LY6G5B: variants seen among roughly 807,000 people sequenced by gnomAD.
The protein encoded by LY6G5B is lymphocyte antigen 6 family member G5B.
In LY6G5B, 6 loss-of-function variants were observed where a neutral mutation model predicts 6.7. That is an observed-to-expected ratio of 0.89 (90% CI 0.49 to 1.76). The LOEUF is 1.76. Among genes scored for constraint, LY6G5B ranks in the 40% most tolerant of loss-of-function variants. The probability of loss-of-function intolerance (pLI) is 0.01; values close to 1 mark genes in which losing one functional copy is unlikely to be tolerated. For synonymous variants in LY6G5B, 98 were observed against 99.4 expected (o/e 0.99, Z 0.09); for missense variants, 240 against 249.5 (o/e 0.96, Z 0.26).
rs903138445 is a variant in LY6G5B at position 31,670,608 on chromosome 6, G to A, written c.-343G>A. The A allele has an allele frequency of 2.5e-5, 8 of 321,190 alleles. No individual in the cohort carries two copies. Among genetic ancestry groups the A allele is most frequent in the Non-Finnish European group, 2.9e-5 (5 of 174,624 alleles). The allele number at this position is 321,190 out of a possible 1,614,324, so 19.9% of individuals were successfully genotyped here. On this transcript the variant is annotated 5_prime_UTR_variant, in exon 1 of 3. The change creates a premature stop within an existing upstream ORF in the 5' untranslated region. Transcript: ENST00000375864. ...TGGCAGAGATAGATACTAACCCATG[G>A]ACTTTCCAAGGGAGGGAATAGGTCT...
At chr6:31,671,105 AG>A in intron 1 of LY6G5B, 50 bp from the exon 2 acceptor site, 1 of 1,612,930 alleles carries the variant, frequency 6.2e-7, no homozygotes, top group Middle Eastern at 1.7e-4. Flanking sequence ...CTACTGGCCC[AG>A]GGTATTTGAG....
exon 3 of LY6G5B, chr6:31,671,907 T>C: frequency 6.2e-7 from 1 of 1,613,042 alleles, no homozygotes; most frequent in Non-Finnish European, 8.5e-7. Context: ...GACAGTACAT[T>C]TCCTACCGCT....
exon 1 of LY6G5B, chr6:31,670,537 A>T (rs1281048271): frequency 5.1e-6 from 1 of 196,656 alleles, no homozygotes; most frequent in Non-Finnish European, 1.0e-5. Context: ...AGGTTGTCCC[A>T]GCACAGTGGG....
chr6:31,671,802 CAG>C lies in LY6G5B; in HGVS notation c.188-61_188-60del, dbSNP rs1802238725. The C allele has an allele frequency of 7.8e-6, 12 of 1,534,450 alleles. No individual in the cohort carries two copies. In the East Asian group the frequency reaches 2.7e-4, roughly 35 times the overall value. ...GGTGAAGGATGGGAAAAGTCAGTAG[CAG>C]GGGTTCTTGGACTATGGGAAGCTAT... On this transcript the variant is annotated intron_variant, in intron 2 of 2. Transcript: ENST00000375864.
chr6:31,671,856 T>A lies in LY6G5B; in HGVS notation c.188-8T>A. The A allele has an allele frequency of 6.2e-7, 1 of 1,600,624 alleles. No individual in the cohort carries two copies. The highest frequency in any genetic ancestry group is 1.3e-5 in the African/African-American group (1 of 74,772). ...GGAAGGGGTTATCAGCTTTCCCCTC[T>A]CCCTCAGATGTCAAGGTTCGCTTCA... On this transcript the variant is annotated splice_polypyrimidine_tract_variant and splice_region_variant and intron_variant, in intron 2 of 2. Coordinates refer to ENST00000375864, the Ensembl canonical transcript of LY6G5B.
chr6:31,671,185 T>C (rs1232558639), exon 2 of LY6G5B: 2 of 1,613,918 alleles, frequency 1.2e-6, no homozygotes, highest in Middle Eastern at 1.6e-4. Context: ...GACGTGCCAC[T>C]TCTGCCTCGT....
At chr6:31,673,199 G>C (rs1235048444) in exon 3 of LY6G5B, 1 of 152,296 alleles carries the variant, frequency 6.6e-6, no homozygotes, top group Non-Finnish European at 1.5e-5. Flanking sequence ...CCGGGAGGCA[G>C]AGGTTGCAGT....
At chr6:31,671,339 C>T in intron 2 of LY6G5B, 55 bp downstream of exon 2, 8 of 1,609,100 alleles carry the variant, frequency 5.0e-6, no homozygotes, top group Non-Finnish European at 6.8e-6. Context: ...GCTTGGTCTT[C>T]TCTCCTCTCA....
chr6:31,670,102 G>A, upstream of LY6G5B: 1 of 629,688 alleles, frequency 1.6e-6, no homozygotes, highest in South Asian at 2.1e-5. Context: ...GTTGGGGAAG[G>A]GAAGGTGATG....
Position 31,672,042 on chromosome 6 carries a change from GC to G in LY6G5B, c.370del (p.Leu124TrpfsTer17). ...GCTCTCTGCCGGAGCCCCATGACAG[GC>G]CCCTGGCCCTGCCTCTGTCTGACTC... On this transcript the variant is annotated frameshift_variant, in exon 3 of 3. Coordinates refer to ENST00000375864, the Ensembl canonical transcript of LY6G5B. LOFTEE classifies it low-confidence loss of function (END_TRUNC). 1 of 1,612,980 alleles carries G rather than the reference GC, an allele frequency of 6.2e-7. No homozygotes were observed. The highest frequency in any genetic ancestry group is 2.2e-5 in the East Asian group (1 of 44,892).
chr6:31,671,108 G>A, intron 1 of LY6G5B, 48 bp from the exon 2 acceptor site: 6 of 1,613,344 alleles, frequency 3.7e-6, no homozygotes, highest in Non-Finnish European at 5.1e-6. Flanking sequence ...CTGGCCCAGG[G>A]TATTTGAGAG....
At chr6:31,670,369 T>C (rs1220855449) in exon 1 of LY6G5B, 1 of 175,878 alleles carries the variant, frequency 5.7e-6, no homozygotes, top group Non-Finnish European at 1.2e-5. Flanking sequence ...CTTTTAGTTT[T>C]AGTTCTAAAG....
exon 1 of LY6G5B, chr6:31,670,407 A>G (rs982729411): frequency 1.2e-5 from 2 of 172,378 alleles, no homozygotes; most frequent in African/African-American, 4.8e-5. Context: ...CAGTATAACT[A>G]AAGGGTGGAA....
At position 31,670,996 on chromosome 6, in the gene LY6G5B, A is replaced by G. The variant is rs1289931094; in HGVS notation, c.46A>G (p.Thr16Ala). ...AGGTGTGCTGGTCATGGTGGGCTTC[A>G]CAGTAGGAAAGGGTAAGTGGGGCCC... is the stretch of plus-strand genomic sequence containing the variant. Residue 16 changes from threonine (T) to alanine (A), a missense_variant, in exon 1 of 3, where the codon ACA (threonine) becomes GCA (alanine). By Grantham distance (58) the Thr-to-Ala change is moderately conservative (BLOSUM62 0). Coordinates refer to ENST00000375864, the Ensembl canonical transcript of LY6G5B. 2.5e-6 allele frequency: 4 copies of G among 1,612,490 alleles called. No individual in the cohort carries two copies. In the African/African-American group the frequency reaches 4.0e-5, roughly 16 times the overall value.
chr6:31,670,949 A>G (rs1401926723), exon 1 of LY6G5B: 5 of 1,602,172 alleles, frequency 3.1e-6, no homozygotes, highest in Non-Finnish European at 3.4e-6. Context: ...CAGAATTCCA[A>G]AATGAAGGTC....
intron 1 of LY6G5B, 46 bp from the exon 2 acceptor site, chr6:31,671,110 A>AT: frequency 6.2e-7 from 1 of 1,613,372 alleles, no homozygotes; most frequent in East Asian, 2.2e-5. Flanking sequence ...GGCCCAGGGT[A>AT]TTTGAGAGTG....
Position 31,671,852 on chromosome 6 carries a change from C to A in LY6G5B, c.188-12C>A. The A allele has an allele frequency of 6.3e-7, 1 of 1,598,522 alleles. No individual in the cohort carries two copies. Among genetic ancestry groups the A allele is most frequent in the Non-Finnish European group, 8.5e-7 (1 of 1,169,978 alleles). On this transcript the variant is annotated splice_polypyrimidine_tract_variant and intron_variant, in intron 2 of 2. Coordinates refer to ENST00000375864, the Ensembl canonical transcript of LY6G5B. ...TATTGGAAGGGGTTATCAGCTTTCC[C>A]CTCTCCCTCAGATGTCAAGGTTCGC...
At chr6:31,670,111 T>A (rs1802086837), upstream of LY6G5B, 1 of 614,808 alleles carries the variant, frequency 1.6e-6, no homozygotes, top group Non-Finnish European at 2.8e-6. Flanking sequence ...GGGAAGGTGA[T>A]GGTGTGTTGG....
At chr6:31,672,963 T>C (rs1367793758) in exon 3 of LY6G5B, 1 of 152,488 alleles carries the variant, frequency 6.6e-6, no homozygotes, top group Non-Finnish European at 1.5e-5. Context: ...CAGACTGAAC[T>C]AGCAGCAAGA....
Sources: allele counts gnomAD v4.1 joint callset, GRCh38; gene constraint gnomAD v4.1.1; transcripts MANE v1.5; gene names NCBI Gene and HGNC (gene_info 2026-07-23, HGNC 2026-07-21).